COL5A2: variants seen among roughly 807,000 people sequenced by gnomAD.
The protein encoded by COL5A2 is collagen type V alpha 2 chain.
COL5A2 carries 23 observed loss-of-function variants against 208.2 expected under a neutral mutation model. The ratio of observed to expected loss-of-function variants is 0.11; its 90% confidence interval spans 0.08 to 0.16. COL5A2 has a LOEUF of 0.16. COL5A2 is among the 10% of genes least tolerant of loss of function. COL5A2 has a pLI of 1.00. For missense variants in COL5A2, 1,590 were observed against 1,956.4 expected, an observed-to-expected ratio of 0.81 and a Z score of 3.53; for synonymous variants, 625 against 628.5, an observed-to-expected ratio of 0.99 and a Z score of 0.08.
intron 44 of COL5A2, 96 bp downstream of exon 44, chr2:189,049,251 A>G: frequency 1.2e-6 from 1 of 852,420 alleles, no homozygotes; most frequent in Non-Finnish European, 2.0e-6. Flanking sequence ...TTAAGGTCAA[A>G]TATGCAATAA....
At chr2:189,044,775 C>A (rs922927697) in intron 47 of COL5A2, among the ~76,000 whole-genome samples, 2 of 151,982 alleles carry the variant, frequency 1.3e-5, no homozygotes, top group Non-Finnish European at 2.9e-5. Flanking sequence ...GCACAAAGAT[C>A]AGAACATAGA....
the COL5A2 span, among the ~76,000 whole-genome samples, chr2:189,287,278 A>G: frequency 1.3e-5 from 2 of 152,156 alleles, no homozygotes; most frequent in Admixed American, 6.6e-5. Context: ...AAAGGTATAA[A>G]ATTTTTTTAC....
At chr2:189,348,511 G>A in the COL5A2 span, among the ~76,000 whole-genome samples, 251 of 152,286 alleles carry the variant, frequency 1.6e-3, 1 homozygote, top group African/African-American at 5.6e-3. Flanking sequence ...TGTTTCAGCT[G>A]ATGGAGAACT....
intron 1 of COL5A2, among the ~76,000 whole-genome samples, chr2:189,203,620 C>A (rs1689106672): frequency 6.6e-6 from 1 of 152,184 alleles, no homozygotes; most frequent in Non-Finnish European, 1.5e-5. Context: ...ATGGTCGAGG[C>A]CACGCCCTAC....
At chr2:189,375,286 G>C in the COL5A2 span, among the ~76,000 whole-genome samples, 5 of 151,896 alleles carry the variant, frequency 3.3e-5, no homozygotes, top group African/African-American at 1.2e-4. Context: ...CAAACTGCTG[G>C]GATTACAGGC....
At chr2:189,242,586 G>A in the COL5A2 span, among the ~76,000 whole-genome samples, 1 of 152,010 alleles carries the variant, frequency 6.6e-6, no homozygotes, top group South Asian at 2.1e-4. Context: ...ATTCTTCATG[G>A]TCTAACTCAA....
the COL5A2 span, among the ~76,000 whole-genome samples, chr2:189,295,389 C>G: frequency 6.6e-6 from 1 of 152,252 alleles, no homozygotes; most frequent in Admixed American, 6.5e-5. Flanking sequence ...GGGTGGATCA[C>G]TTGAGGTCAG....
At chr2:189,197,034 G>C (rs1689009972) in intron 1 of COL5A2, among the ~76,000 whole-genome samples, 1 of 152,084 alleles carries the variant, frequency 6.6e-6, no homozygotes, top group Non-Finnish European at 1.5e-5. Flanking sequence ...CAATAGCAAA[G>C]ACATGGAACC....
At chr2:189,144,502 ATGAG>A (rs34188452) in intron 1 of COL5A2, among the ~76,000 whole-genome samples, 90,776 of 150,978 alleles carry the variant, frequency 0.6, 28,400 homozygotes, top group East Asian at 0.78. Flanking sequence ...ACAATGCTGA[ATGAG>A]TGAGAACAAA....
At chr2:189,253,263 G>A in the COL5A2 span, among the ~76,000 whole-genome samples, 1 of 152,164 alleles carries the variant, frequency 6.6e-6, no homozygotes, top group Non-Finnish European at 1.5e-5. Flanking sequence ...ATGTGGTTCT[G>A]GAATCAGACT....
chr2:189,434,991 G>A, the COL5A2 span, among the ~76,000 whole-genome samples: 2 of 152,108 alleles, frequency 1.3e-5, no homozygotes, highest in Admixed American at 6.5e-5. Flanking sequence ...ATAGACCAAC[G>A]GAACAGAACA....
intron 29 of COL5A2, 112 bp from the exon 30 acceptor site, chr2:189,061,727 G>A (rs1686037165): frequency 1.2e-6 from 1 of 856,972 alleles, no homozygotes; most frequent in Admixed American, 1.9e-5. Flanking sequence ...CCAATCACAT[G>A]TTTTTCTCTT....
At chr2:189,268,747 G>A in the COL5A2 span, among the ~76,000 whole-genome samples, 2 of 152,034 alleles carry the variant, frequency 1.3e-5, no homozygotes, top group South Asian at 2.1e-4. Context: ...TGTCTATTTT[G>A]TAACAATTAA....
chr2:189,432,973 C>T, the COL5A2 span, among the ~76,000 whole-genome samples: 1 of 152,148 alleles, frequency 6.6e-6, no homozygotes, highest in African/African-American at 2.4e-5. Flanking sequence ...GAAATCACAA[C>T]AAATGGTCTC....
In COL5A2 at chr2:189,065,044, T is replaced by C. The variant is rs1553515522; in HGVS notation, c.1577A>G (p.Asn526Ser). ...ACCATCAGAGCCTGGAAAACCACGA[T>C]TGCCAGGAGCACCCTACAAATGACC... ...GPVGERGAPG[N>S]RGFPGSDGLP... The change falls in exon 24 of 54, where the codon AAT (asparagine) becomes AGT (serine). Residue 526 changes from asparagine (N) to serine (S), a missense_variant. Coordinates refer to ENST00000374866, the MANE Select transcript of COL5A2 (RefSeq NM_000393.5). 5 of 1,613,796 alleles carry C rather than the reference T, an allele frequency of 3.1e-6. No homozygotes were observed. The highest frequency in any genetic ancestry group is 4.2e-6 in the Non-Finnish European group (5 of 1,179,900).
upstream of COL5A2, among the ~76,000 whole-genome samples, chr2:189,227,887 C>T (rs185822985): frequency 8.7e-4 from 133 of 152,014 alleles, no homozygotes; most frequent in Non-Finnish European, 1.6e-3. Context: ...AAGCAACAGA[C>T]ACAGAATATG....
intron 1 of COL5A2, among the ~76,000 whole-genome samples, chr2:189,144,888 G>C (rs1203174247): frequency 6.6e-6 from 1 of 152,000 alleles, no homozygotes; most frequent in African/African-American, 2.4e-5. Flanking sequence ...CTACAGAAGA[G>C]GAACTCAACA....
At chr2:189,295,737 G>A in the COL5A2 span, among the ~76,000 whole-genome samples, 19 of 152,148 alleles carry the variant, frequency 1.2e-4, no homozygotes, top group African/African-American at 3.9e-4. Flanking sequence ...TGGTTCCACC[G>A]TTTCTAGCAG....
intron 24 of COL5A2, 114 bp from the exon 25 acceptor site, chr2:189,064,769 G>A: frequency 1.1e-6 from 1 of 871,134 alleles, no homozygotes; most frequent in Non-Finnish European, 1.9e-6. Context: ...ACAAATCAAG[G>A]CACTGATATA....
Sources: gnomAD v4.1 joint callset for allele counts (sites outside exome capture counted in the v4.1 genomes callset) on GRCh38, gnomAD v4.1.1 for gene constraint, MANE v1.5 for transcripts, NCBI Gene and HGNC (gene_info 2026-07-23, HGNC 2026-07-21) for gene names.